OCA2: variants seen among roughly 807,000 people sequenced by gnomAD.
OCA2 encodes the protein OCA2 melanosomal transmembrane protein.
A neutral mutation model predicts 100.2 loss-of-function variants in OCA2; 77 were observed. The ratio of observed to expected loss-of-function variants is 0.77; its 90% CI spans 0.64 to 0.93. The LOEUF (loss-of-function observed/expected upper bound fraction) is 0.93, where lower values mean the gene tolerates loss of function less well. OCA2 is among the 40% of genes least tolerant of loss of function. The pLI is 0.00. For synonymous variants in OCA2, 432 were observed against 439.2 expected, an observed-to-expected ratio of 0.98 and a Z score of 0.21; for missense variants, 1,062 against 1,089.1, an observed-to-expected ratio of 0.98 and a Z score of 0.35.
chr15:27,965,769 C>T (rs2040544202), intron 15 of OCA2, among the ~76,000 whole-genome samples: 1 of 152,248 alleles, frequency 6.6e-6, no homozygotes. Context: ...GCAACCTGCA[C>T]AGCATCCATA....
At chr15:27,770,799 T>TTCCTC (rs2031697237) in intron 23 of OCA2, among the ~76,000 whole-genome samples, 1 of 129,842 alleles carries the variant, frequency 7.7e-6, no homozygotes, top group African/African-American at 3.0e-5. Flanking sequence ...CCTCCCTCCC[T>TTCCTC]CTTTTCCTTC....
In OCA2 at chr15:27,894,733, T is replaced by C. The variant is rs903688762; in HGVS notation, c.2080-22811A>G. Among the ~76,000 whole-genome samples, 6 of 152,324 alleles carry C rather than the reference T, an allele frequency of 3.9e-5. No homozygotes were observed. In the East Asian group the frequency reaches 7.7e-4, roughly 20 times the overall value. The stretch of plus-strand genomic sequence containing the variant: ...GCCTTGGTGCTGCCCACAGGTGGCA[T>C]TGTGACATATGGCTGGGCCTTTCAT... On this transcript the variant is annotated intron_variant, in intron 19 of 23. Coordinates refer to ENST00000354638, the MANE Select transcript of OCA2 (RefSeq NM_000275.3).
At chr15:27,803,293 A>G (rs2033689354) in intron 23 of OCA2, among the ~76,000 whole-genome samples, 2 of 152,204 alleles carry the variant, frequency 1.3e-5, no homozygotes, top group South Asian at 2.1e-4. Context: ...TCTTCATAGC[A>G]GCATGATTCA....
chr15:27,748,781 C>CAATA, the OCA2 span, among the ~76,000 whole-genome samples: 1 of 151,978 alleles, frequency 6.6e-6, no homozygotes, highest in African/African-American at 2.4e-5. Context: ...AATGAATAAG[C>CAATA]AATAAATAAA....
At chr15:28,081,942 A>G in intron 1 of OCA2, 47 bp from the exon 2 acceptor site, 3 of 1,473,234 alleles carry the variant, frequency 2.0e-6, no homozygotes, top group Middle Eastern at 1.9e-4. Context: ...GCACACTGAG[A>G]CTAACGTTTG....
intron 23 of OCA2, among the ~76,000 whole-genome samples, chr15:27,804,477 C>T (rs1293481788): frequency 6.6e-6 from 1 of 152,150 alleles, no homozygotes; most frequent in South Asian, 2.1e-4. Context: ...GGCCCTATTT[C>T]GCGTGGATGG....
At chr15:27,990,772 T>C (rs2041531105) in intron 9 of OCA2, 125 bp from the exon 10 acceptor site, 1 of 845,440 alleles carries the variant, frequency 1.2e-6, no homozygotes, top group Non-Finnish European at 2.0e-6. Flanking sequence ...AAATGATAAG[T>C]CATGGGTCTT....
At chr15:27,814,678 G>A (rs2034209543) in intron 23 of OCA2, among the ~76,000 whole-genome samples, 1 of 152,176 alleles carries the variant, frequency 6.6e-6, no homozygotes, top group Non-Finnish European at 1.5e-5. Context: ...AGGAGCTCGA[G>A]ACCAGCCTGG....
At chr15:28,092,116 C>G (rs889645452) in intron 1 of OCA2, among the ~76,000 whole-genome samples, 7 of 152,112 alleles carry the variant, frequency 4.6e-5, no homozygotes, top group Admixed American at 4.6e-4. Flanking sequence ...AAGCTAGTCA[C>G]AAAAGGCCAC....
downstream of OCA2, among the ~76,000 whole-genome samples, chr15:27,752,372 T>C (rs1222737512): frequency 2.0e-5 from 3 of 152,198 alleles, no homozygotes; most frequent in Middle Eastern, 3.2e-3. Flanking sequence ...CAGGATTTAA[T>C]AAGCACTGGA....
chr15:27,924,571 T>A (rs2038979120), intron 19 of OCA2, among the ~76,000 whole-genome samples: 1 of 152,178 alleles, frequency 6.6e-6, no homozygotes, highest in African/African-American at 2.4e-5. Context: ...ATGTCTGTAT[T>A]TTCCACGAGA....
chr15:28,014,799 C>T lies in OCA2; in HGVS notation c.1021G>A (p.Val341Ile), dbSNP rs368159473. 15 of 1,613,712 alleles carry T rather than the reference C, an allele frequency of 9.3e-6. No homozygotes were observed. The highest frequency in any genetic ancestry group is 1.6e-4 in the Middle Eastern group (1 of 6,084). ...ACCTCAAATATGATCAGCGCGTAGA[C>T]GCCCGCGAGGATGGCCGTCGCGATG... ...VTIATAILAG[V>I]YALIIFEIVH... Residue 341 changes from valine to isoleucine, a missense_variant, in exon 9 of 24, where the codon GTC (valine) becomes ATC (isoleucine). Coordinates refer to ENST00000354638, the MANE Select transcript of OCA2 (RefSeq NM_000275.3).
At chr15:27,911,950 C>A (rs2038413491) in intron 19 of OCA2, among the ~76,000 whole-genome samples, 1 of 152,112 alleles carries the variant, frequency 6.6e-6, no homozygotes, top group South Asian at 2.1e-4. Context: ...GAAGTCTACA[C>A]AAATACTGTA....
the OCA2 span, among the ~76,000 whole-genome samples, chr15:27,736,151 C>A: frequency 6.6e-6 from 1 of 152,120 alleles, no homozygotes; most frequent in Admixed American, 6.5e-5. Context: ...TATAAGTGTA[C>A]ATGTTATATT....
At chr15:28,069,171 A>G (rs1211956958) in intron 2 of OCA2, among the ~76,000 whole-genome samples, 1 of 152,106 alleles carries the variant, frequency 6.6e-6, no homozygotes, top group Non-Finnish European at 1.5e-5. Flanking sequence ...CACGGACAAT[A>G]TGATTCTATA....
At chr15:27,821,527 A>T (rs1203768819) in intron 23 of OCA2, among the ~76,000 whole-genome samples, 2 of 152,074 alleles carry the variant, frequency 1.3e-5, no homozygotes, top group African/African-American at 2.4e-5. Context: ...CCAAATCATA[A>T]TTCACACATG....
chr15:28,057,812 G>C (rs572088297), intron 2 of OCA2, among the ~76,000 whole-genome samples: 2 of 108,162 alleles, frequency 1.8e-5, no homozygotes, highest in African/African-American at 1.4e-4. Context: ...TCACAAAGAC[G>C]GGTGGGATTT....
At chr15:27,943,683 A>C (rs185672265) in intron 18 of OCA2, among the ~76,000 whole-genome samples, 5 of 151,264 alleles carry the variant, frequency 3.3e-5, no homozygotes, top group Admixed American at 3.3e-4. Flanking sequence ...AAAAAAAAAA[A>C]AAAAAAAACC....
chr15:27,783,777 T>C (rs1371898354), intron 23 of OCA2, among the ~76,000 whole-genome samples: 2 of 152,230 alleles, frequency 1.3e-5, no homozygotes, highest in East Asian at 1.9e-4. Context: ...AGAGATTGCA[T>C]TTCTGAGAAA....
Sources: allele counts gnomAD v4.1 joint callset (sites outside exome capture counted in the v4.1 genomes callset), GRCh38; gene constraint gnomAD v4.1.1; transcripts MANE v1.5; gene names NCBI Gene and HGNC (gene_info 2026-07-23, HGNC 2026-07-21).